The following PRDM16 variants were observed in gnomAD, a reference collection of about 807,000 sequenced individuals.
PRDM16 encodes the protein histone-lysine N-methyltransferase PRDM16.
Under a neutral mutation model 110.6 loss-of-function variants are expected in PRDM16, and 23 were observed. The observed-to-expected ratio is 0.21, with a 90% CI of 0.15 to 0.29. The LOEUF (loss-of-function observed/expected upper bound fraction) is 0.29, where lower values mean the gene tolerates loss of function less well. PRDM16 is among the 10% of genes least tolerant of loss of function. PRDM16 has a pLI of 1.00. For missense variants in PRDM16, 1,615 were observed against 1,794.3 expected (o/e 0.90, Z 1.81); for synonymous variants, 799 against 781.8 (o/e 1.02, Z -0.37).
intron 1 of PRDM16, among the ~76,000 whole-genome samples, chr1:3,109,719 G>A (rs769985596): frequency 6.6e-6 from 1 of 152,228 alleles, no homozygotes; most frequent in Admixed American, 6.5e-5. Flanking sequence ...CTTGAGCAAA[G>A]GACATGAAAG....
rs1170042545 is a variant in PRDM16 at position 3,438,393 on chromosome 1, C to T, written c.*4582C>T. The T allele has an allele frequency of 2.0e-5, 4 of 202,940 alleles. No homozygotes were observed. Among genetic ancestry groups the T allele is most frequent in the Non-Finnish European group, 4.0e-5 (4 of 99,006 alleles). 12.6% of individuals were successfully genotyped at this position (202,940 alleles called of 1,614,324 possible). A position where few individuals can be genotyped will look rare whatever the true frequency, so the allele number is the denominator to read the frequency against. On this transcript the variant is annotated 3_prime_UTR_variant, in exon 17 of 17. Transcript: ENST00000270722. ...GCTGTGGGAGAAGAATGAAATAAGA[C>T]GTGAAGTGTAGGAAATCATGAAAAG...
chr1:3,097,248 G>A (rs1570244179), intron 1 of PRDM16, among the ~76,000 whole-genome samples: 1 of 152,206 alleles, frequency 6.6e-6, no homozygotes, highest in African/African-American at 2.4e-5. Context: ...CGGGTCATCT[G>A]TTGTCCGTGT....
Position 3,346,504 on chromosome 1 carries a change from G to A in PRDM16, c.439-38648G>A, listed in dbSNP as rs886933282. Among the ~76,000 whole-genome samples, 36 of 152,258 alleles carry A rather than the reference G, an allele frequency of 2.4e-4. 1 individual carries two copies. The highest frequency in any genetic ancestry group is 7.7e-4 in the African/African-American group (32 of 41,536). On this transcript the variant is annotated intron_variant, in intron 3 of 16. Coordinates refer to ENST00000270722, the MANE Select transcript of PRDM16 (RefSeq NM_022114.4). ...CTGAGCTCCTCCTGGAGCACCCGCG[G>A]CATACGTGGCCCTCCCGCCTCTCTG...
intron 4 of PRDM16, chr1:3,396,171 G>A (rs1643383331): frequency 2.3e-6 from 1 of 432,068 alleles, no homozygotes; most frequent in South Asian, 1.8e-5. Context: ...AACCCACCCA[G>A]GTGGGCTCTT....
intron 2 of PRDM16, among the ~76,000 whole-genome samples, chr1:3,197,727 G>T (rs1638514920): frequency 6.6e-6 from 1 of 152,210 alleles, no homozygotes; most frequent in Non-Finnish European, 1.5e-5. Flanking sequence ...GGCGGCTGTG[G>T]CCTGGCGGCT....
chr1:3,419,186 G>A (rs1030126611), intron 12 of PRDM16, among the ~76,000 whole-genome samples: 1 of 152,210 alleles, frequency 6.6e-6, no homozygotes, highest in Non-Finnish European at 1.5e-5. Context: ...CCAGGGAGTG[G>A]GCCAAAGGCA....
At chr1:3,200,984 A>AC (rs1638610855) in intron 2 of PRDM16, among the ~76,000 whole-genome samples, 1 of 150,148 alleles carries the variant, frequency 6.7e-6, no homozygotes, top group South Asian at 2.1e-4. Context: ...GAGGAAGAGG[A>AC]GGGGGAGGAA....
At chr1:3,375,756 C>T (rs1421445431) in intron 3 of PRDM16, among the ~76,000 whole-genome samples, 2 of 152,324 alleles carry the variant, frequency 1.3e-5, no homozygotes, top group East Asian at 1.9e-4. Context: ...GCACTGCGCA[C>T]GGTCAGATGG....
chr1:3,271,104 G>A (rs998355616), intron 3 of PRDM16, among the ~76,000 whole-genome samples: 2 of 152,224 alleles, frequency 1.3e-5, no homozygotes, highest in Admixed American at 1.3e-4. Flanking sequence ...GGGGATATGC[G>A]GTGGGAGGAA....
chr1:3,104,619 G>A (rs1050786878), intron 1 of PRDM16, among the ~76,000 whole-genome samples: 4 of 152,298 alleles, frequency 2.6e-5, no homozygotes, highest in African/African-American at 9.6e-5. Flanking sequence ...ATGTGCCAGC[G>A]GCCCTCTCCC....
chr1:3,402,678 C>T, intron 5 of PRDM16, 113 bp from the exon 6 acceptor site: 1 of 881,490 alleles, frequency 1.1e-6, no homozygotes, highest in Non-Finnish European at 1.8e-6. Flanking sequence ...ACTGGCCAGC[C>T]TGGGTGCAGG....
intron 3 of PRDM16, among the ~76,000 whole-genome samples, chr1:3,292,471 T>C (rs1640997209): frequency 6.6e-6 from 1 of 152,242 alleles, no homozygotes; most frequent in South Asian, 2.1e-4. Flanking sequence ...GCTCTCCGCC[T>C]GGCTGCGCCT....
chr1:3,399,024 A>G (rs1295352254), intron 5 of PRDM16, among the ~76,000 whole-genome samples: 1 of 152,166 alleles, frequency 6.6e-6, no homozygotes, highest in Non-Finnish European at 1.5e-5. Flanking sequence ...TGCGAGGCCC[A>G]TTTTCACACA....
rs1644062915 is a variant in PRDM16 at position 3,174,455 on chromosome 1, G to A, written c.38-11670G>A. On this transcript the variant is annotated intron_variant, in intron 1 of 16. Coordinates refer to ENST00000270722, the MANE Select transcript of PRDM16 (RefSeq NM_022114.4). ...CCAGCCTGGGTGACAGTGGGGGCTG[G>A]TGGAGACTCCCTGAGTCAGAAGGGC... 2.6e-5 allele frequency among the ~76,000 whole-genome samples: 4 copies of A among 152,214 alleles called. No individual in the cohort carries two copies. In the South Asian group the frequency reaches 6.2e-4, roughly 24 times the overall value.
At chr1:3,375,181 C>T (rs1441694856) in intron 3 of PRDM16, among the ~76,000 whole-genome samples, 1 of 152,170 alleles carries the variant, frequency 6.6e-6, no homozygotes, top group Non-Finnish European at 1.5e-5. Flanking sequence ...GCTGGGAGGG[C>T]CTGTGTGACT....
In PRDM16 at chr1:3,425,505, T is replaced by C; in HGVS notation, c.2940-76T>C. Reference sequence around the variant, plus strand: ...GCACGGGGCAGGGGCGCGGGCTCCCTTCCCCCCACCCTCTGTGGCCCGGCC... The same window carrying C: ...GCACGGGGCAGGGGCGCGGGCTCCCCTCCCCCCACCCTCTGTGGCCCGGCC... On this transcript the variant is annotated intron_variant, in intron 12 of 16. Transcript: ENST00000270722. This position sits in a 1 kb window ranked among gnomAD's most constrained non-coding sequence, Gnocchi z 6.9. The C allele has an allele frequency of 2.0e-6, 3 of 1,499,588 alleles. No homozygotes were observed. The highest frequency in any genetic ancestry group is 2.7e-6 in the Non-Finnish European group (3 of 1,098,924). 92.9% of individuals were successfully genotyped at this position (1,499,588 alleles called of 1,614,324 possible).
chr1:3,184,226 T>G (rs1035475607), intron 1 of PRDM16, among the ~76,000 whole-genome samples: 2 of 152,256 alleles, frequency 1.3e-5, no homozygotes, highest in African/African-American at 4.8e-5. Context: ...GTGTTTTCCT[T>G]ACGACTTTTC....
rs545242584 is a variant in PRDM16 at position 3,362,337 on chromosome 1, C to T, written c.439-22815C>T. ...CTTGTCCACCCTCTGCATGGGACAC[C>T]CAGGCGTCCTTCCACCTGGGAACCA... On this transcript the variant is annotated intron_variant, in intron 3 of 16. Transcript: ENST00000270722. 1.6e-4 allele frequency among the ~76,000 whole-genome samples: 25 copies of T among 152,154 alleles called. No individual in the cohort carries two copies. The East Asian group carries it at 3.7e-3, about 22-fold the overall frequency.
chr1:3,397,854 C>T (rs1475325853), intron 5 of PRDM16, among the ~76,000 whole-genome samples: 3 of 152,180 alleles, frequency 2.0e-5, no homozygotes, highest in Admixed American at 1.3e-4. Context: ...TGGAGAACTC[C>T]GCCTTCATTT....
Sources: gnomAD v4.1 joint callset for allele counts (sites outside exome capture counted in the v4.1 genomes callset) on GRCh38, gnomAD v4.1.1 for gene constraint, Gnocchi (gnomAD v3.1) non-coding constraint, MANE v1.5 for transcripts, NCBI Gene and HGNC (gene_info 2026-07-23, HGNC 2026-07-21) for gene names.